The following SMYD3 variants were observed in gnomAD, a reference collection of about 807,000 sequenced individuals.
SMYD3 encodes the protein SET and MYND domain containing 3.
A neutral mutation model predicts 57.7 loss-of-function variants in SMYD3; 36 were observed. The observed-to-expected ratio is 0.62, with a 90% CI of 0.48 to 0.82. The LOEUF is 0.82. SMYD3 is among the 40% of genes least tolerant of loss of function. The pLI is 0.00. For missense variants in SMYD3, 515 were observed against 538.8 expected (o/e 0.96, Z 0.44); for synonymous variants, 211 against 195.0 (o/e 1.08, Z -0.68).
intron 5 of SMYD3, among the ~76,000 whole-genome samples, chr1:246,165,275 T>C (rs1035020098): frequency 1.3e-5 from 2 of 152,106 alleles, no homozygotes; most frequent in African/African-American, 4.8e-5. Flanking sequence ...ATAATTTCAG[T>C]TGTAATTGTG....
At chr1:245,936,621 G>A (rs193215455) in intron 5 of SMYD3, among the ~76,000 whole-genome samples, 5 of 152,280 alleles carry the variant, frequency 3.3e-5, no homozygotes, top group East Asian at 1.9e-4. Context: ...AAGGCCAGGC[G>A]CAGCGGCTCA....
intron 5 of SMYD3, chr1:245,956,184 T>A: frequency 2.1e-6 from 1 of 467,830 alleles, no homozygotes; most frequent in Non-Finnish European, 2.8e-6. Flanking sequence ...TCCCAAAGTG[T>A]TGGGATTATA....
At chr1:246,375,325 CTTTTTTTTTTTT>C (rs60882470) in intron 1 of SMYD3, among the ~76,000 whole-genome samples, 731 of 62,276 alleles carry the variant, frequency 0.012, 12 homozygotes, top group African/African-American at 0.039. Context: ...TAATGAGAGA[CTTTTTTTTTTTT>C]TTTTTTTTTT....
chr1:245,800,450 A>C (rs1211961309), intron 10 of SMYD3, among the ~76,000 whole-genome samples: 1 of 152,016 alleles, frequency 6.6e-6, no homozygotes, highest in Non-Finnish European at 1.5e-5. Flanking sequence ...ATAATGCTAT[A>C]TCTAATAGTG....
intron 1 of SMYD3, among the ~76,000 whole-genome samples, chr1:246,393,779 C>T (rs1261289422): frequency 2.0e-5 from 3 of 151,904 alleles, no homozygotes; most frequent in African/African-American, 7.3e-5. Flanking sequence ...CTGCTTGACC[C>T]TGGGAAGTGA....
intron 10 of SMYD3, among the ~76,000 whole-genome samples, chr1:245,855,289 T>G (rs2051181894): frequency 6.7e-6 from 1 of 149,752 alleles, no homozygotes; most frequent in African/African-American, 2.4e-5. Context: ...AACAATGTGC[T>G]CAATTTTGTA....
In SMYD3 at chr1:246,395,698, ATGG is replaced by A. The variant is rs1558442929; in HGVS notation, c.165-40607_165-40605del. ...GTCAGACAGGGAAGACGAACCCACC[ATGG>A]CTGGACAGGGAAGACGAACACACCA... On this transcript the variant is annotated intron_variant, in intron 1 of 11. Coordinates refer to ENST00000490107, the MANE Select transcript of SMYD3 (RefSeq NM_001167740.2). 4.5e-4 allele frequency among the ~76,000 whole-genome samples: 17 copies of A among 37,788 alleles called. 1 individual carries two copies. In the South Asian group the frequency reaches 6.9e-3, roughly 15 times the overall value. 24.8% of individuals were successfully genotyped at this position (37,788 alleles called of 152,430 possible). A position where few individuals can be genotyped will look rare whatever the true frequency, so the allele number is the denominator to read the frequency against.
chr1:245,974,242 A>C lies in SMYD3; in HGVS notation c.532-44305T>G, dbSNP rs188978500. On this transcript the variant is annotated intron_variant, in intron 5 of 11. Coordinates refer to ENST00000490107, the MANE Select transcript of SMYD3 (RefSeq NM_001167740.2). ...ACATTTTTCAAATTTAATATGACTA[A>C]GTTCTGCCCCCAAACCTACTCCTTA... Among the ~76,000 whole-genome samples, 51 of 152,306 alleles carry C rather than the reference A, an allele frequency of 3.3e-4. 1 individual carries two copies. The highest frequency in any genetic ancestry group is 1.2e-3 in the African/African-American group (50 of 41,564).
chr1:245,828,449 G>C (rs1021364669), intron 10 of SMYD3, among the ~76,000 whole-genome samples: 16 of 152,092 alleles, frequency 1.1e-4, no homozygotes, highest in African/African-American at 3.9e-4. Context: ...CACCTCTGAA[G>C]CATTTTATAG....
intron 5 of SMYD3, among the ~76,000 whole-genome samples, chr1:246,055,819 G>A (rs2060141771): frequency 6.6e-6 from 1 of 152,194 alleles, no homozygotes. Context: ...CAGAGAGACA[G>A]GAAGTAGAAT....
intron 5 of SMYD3, among the ~76,000 whole-genome samples, chr1:246,004,084 T>C (rs928122809): frequency 7.0e-6 from 1 of 142,840 alleles, no homozygotes; most frequent in African/African-American, 2.5e-5. Flanking sequence ...ATCTGTAAAA[T>C]GGGAATGAGC....
intron 5 of SMYD3, among the ~76,000 whole-genome samples, chr1:246,008,340 CTT>C (rs987167270): frequency 6.6e-6 from 1 of 152,184 alleles, no homozygotes; most frequent in African/African-American, 2.4e-5. Flanking sequence ...TCTAAGGGCT[CTT>C]GACACATCCT....
intron 1 of SMYD3, among the ~76,000 whole-genome samples, chr1:246,455,505 C>CTTT: frequency 6.6e-6 from 1 of 152,220 alleles, no homozygotes; most frequent in African/African-American, 2.4e-5. Flanking sequence ...TAAGAGGTTT[C>CTTT]CTAGAAAGAA....
intron 5 of SMYD3, among the ~76,000 whole-genome samples, chr1:246,004,970 C>T (rs4654188): frequency 0.43 from 65,961 of 151,782 alleles, 17,637 homozygotes; most frequent in Non-Finnish European, 0.61. Context: ...CTCGGCCTCC[C>T]GAGTAGCTGG....
intron 5 of SMYD3, 198 bp from the exon 6 acceptor site, chr1:245,930,135 T>A (rs562632749): frequency 1.2e-4 from 74 of 619,634 alleles, no homozygotes; most frequent in South Asian, 1.1e-3. Context: ...ATCAGGTGGT[T>A]AAGTGCAGAA....
intron 5 of SMYD3, among the ~76,000 whole-genome samples, chr1:246,042,735 A>G (rs1174433014): frequency 7.0e-6 from 1 of 142,898 alleles, no homozygotes; most frequent in Admixed American, 7.1e-5. Flanking sequence ...CTTCAGGACT[A>G]AGCTCAACAC....
chr1:245,877,825 A>G (rs2052569471), intron 8 of SMYD3, among the ~76,000 whole-genome samples: 1 of 152,192 alleles, frequency 6.6e-6, no homozygotes. Flanking sequence ...TACCCCTAGG[A>G]AGCGGGAAAT....
At chr1:245,774,858 G>A (rs2046499128) in intron 10 of SMYD3, among the ~76,000 whole-genome samples, 2 of 152,176 alleles carry the variant, frequency 1.3e-5, no homozygotes, top group South Asian at 4.1e-4. Context: ...GCACCGCCAC[G>A]CCTGACGGGT....
intron 2 of SMYD3, among the ~76,000 whole-genome samples, chr1:246,345,627 G>T (rs983122946): frequency 2.0e-5 from 3 of 152,162 alleles, no homozygotes; most frequent in African/African-American, 7.2e-5. Context: ...GATTTGGGAT[G>T]CTCAACTTGT....
Sources: allele counts gnomAD v4.1 joint callset (sites outside exome capture counted in the v4.1 genomes callset), GRCh38; gene constraint gnomAD v4.1.1; transcripts MANE v1.5; gene names NCBI Gene and HGNC (gene_info 2026-07-23, HGNC 2026-07-21).